The following PPP1R1C variants were observed in gnomAD, a reference collection of about 807,000 sequenced individuals.
PPP1R1C encodes protein phosphatase 1 regulatory inhibitor subunit 1C.
PPP1R1C carries 15 observed loss-of-function variants against 17.4 expected under a neutral mutation model. The observed-to-expected ratio is 0.86, with a 90% CI of 0.58 to 1.33. The LOEUF (loss-of-function observed/expected upper bound fraction) is 1.33, where lower values mean the gene tolerates loss of function less well. Ranked by LOEUF, PPP1R1C falls within the 40% of genes most tolerant of loss-of-function variation. PPP1R1C has a pLI of 0.00. For synonymous variants in PPP1R1C, 35 were observed against 43.1 expected, an observed-to-expected ratio of 0.81 and a Z score of 0.73; for missense variants, 143 against 130.0, an observed-to-expected ratio of 1.10 and a Z score of -0.48.
chr2:182,048,153 C>G (rs1687398316), intron 2 of PPP1R1C, among the ~76,000 whole-genome samples: 1 of 152,114 alleles, frequency 6.6e-6, no homozygotes, highest in Admixed American at 6.5e-5. Flanking sequence ...CAGGGTAAAA[C>G]TATTCTTACC....
At chr2:181,959,370 C>T (rs1684726499) in intron 1 of PPP1R1C, among the ~76,000 whole-genome samples, 1 of 152,196 alleles carries the variant, frequency 6.6e-6, no homozygotes, top group Admixed American at 6.5e-5. Flanking sequence ...TATTTTTAAG[C>T]ATTTGGATCT....
chr2:181,969,989 T>C (rs928831236), intron 1 of PPP1R1C, among the ~76,000 whole-genome samples: 1 of 152,250 alleles, frequency 6.6e-6, no homozygotes. Context: ...ATTTATCTGA[T>C]AAGATTCTGA....
intron 2 of PPP1R1C, among the ~76,000 whole-genome samples, chr2:181,998,944 A>C (rs189851021): frequency 3.0e-4 from 46 of 152,342 alleles, no homozygotes; most frequent in Middle Eastern, 3.4e-3. Flanking sequence ...TTGGACTAAA[A>C]CGGATCATCT....
chr2:182,006,749 A>C (rs1404066298), intron 2 of PPP1R1C, among the ~76,000 whole-genome samples: 1 of 152,218 alleles, frequency 6.6e-6, no homozygotes, highest in African/African-American at 2.4e-5. Flanking sequence ...TACATGAACC[A>C]TTATTGAAGT....
At chr2:182,021,186 T>C (rs925221777) in intron 2 of PPP1R1C, among the ~76,000 whole-genome samples, 1 of 152,128 alleles carries the variant, frequency 6.6e-6, no homozygotes, top group Admixed American at 6.5e-5. Context: ...TTGTCTCTCA[T>C]GCATGTGGTA....
At chr2:182,008,905 A>G (rs1686007477) in intron 2 of PPP1R1C, among the ~76,000 whole-genome samples, 1 of 152,126 alleles carries the variant, frequency 6.6e-6, no homozygotes, top group South Asian at 2.1e-4. Context: ...TTCTGTGTTT[A>G]TTCCACTTAA....
chr2:181,959,299 C>G (rs1411985384), intron 1 of PPP1R1C, among the ~76,000 whole-genome samples: 15 of 152,128 alleles, frequency 9.9e-5, no homozygotes, highest in Non-Finnish European at 8.8e-5. Flanking sequence ...ACTACTCTCC[C>G]CACACATATG....
intron 2 of PPP1R1C, among the ~76,000 whole-genome samples, chr2:182,009,485 GCC>G (rs1381602099): frequency 6.6e-6 from 1 of 151,906 alleles, no homozygotes. Flanking sequence ...TATGGTGTTT[GCC>G]TATACTGTTG....
chr2:182,095,943 C>G (rs1235326866), intron 4 of PPP1R1C, among the ~76,000 whole-genome samples: 1 of 151,504 alleles, frequency 6.6e-6, no homozygotes, highest in Non-Finnish European at 1.5e-5. Flanking sequence ...CCACTGCACT[C>G]CAGCCTGGGC....
chr2:181,977,009 A>G (rs1178915403), intron 2 of PPP1R1C, among the ~76,000 whole-genome samples: 1 of 151,708 alleles, frequency 6.6e-6, no homozygotes, highest in African/African-American at 2.4e-5. Context: ...ATGGTGACAC[A>G]TGCCTGTAAT....
chr2:182,106,480 C>T (rs957702984), intron 4 of PPP1R1C, among the ~76,000 whole-genome samples: 1 of 152,180 alleles, frequency 6.6e-6, no homozygotes, highest in Admixed American at 6.5e-5. Context: ...GACGAGAGCC[C>T]AGCCACTGAG....
At chr2:182,126,892 A>G (rs1023694167) in intron 5 of PPP1R1C, among the ~76,000 whole-genome samples, 5 of 152,086 alleles carry the variant, frequency 3.3e-5, no homozygotes, top group African/African-American at 9.7e-5. Flanking sequence ...GAGACAAGGG[A>G]AAAATTCTTG....
chr2:182,128,117 C>T (rs1574472577), intron 5 of PPP1R1C, among the ~76,000 whole-genome samples: 1 of 152,102 alleles, frequency 6.6e-6, no homozygotes, highest in East Asian at 1.9e-4. Context: ...CTATGACATG[C>T]TAAACATTGT....
chr2:182,068,634 G>A (rs761117022), intron 4 of PPP1R1C, among the ~76,000 whole-genome samples: 2 of 152,116 alleles, frequency 1.3e-5, no homozygotes, highest in African/African-American at 2.4e-5. Flanking sequence ...ACCTAGCTCC[G>A]GTCCTCAGAC....
intron 4 of PPP1R1C, among the ~76,000 whole-genome samples, chr2:182,112,873 A>G (rs2125235404): frequency 6.6e-6 from 1 of 152,338 alleles, no homozygotes; most frequent in East Asian, 1.9e-4. Flanking sequence ...ATGTAGTTGA[A>G]AAAAATAAAA....
chr2:182,010,799 C>T (rs1686068361), intron 2 of PPP1R1C, among the ~76,000 whole-genome samples: 1 of 151,924 alleles, frequency 6.6e-6, no homozygotes, highest in Non-Finnish European at 1.5e-5. Context: ...TATGTACCTT[C>T]TATTCCAAAT....
At chr2:182,039,507 C>T (rs1687117703) in intron 2 of PPP1R1C, among the ~76,000 whole-genome samples, 1 of 152,156 alleles carries the variant, frequency 6.6e-6, no homozygotes, top group Non-Finnish European at 1.5e-5. Context: ...ACCTCAGCCT[C>T]CTAAGTAGCT....
intron 4 of PPP1R1C, among the ~76,000 whole-genome samples, chr2:182,083,922 A>G (rs754393563): frequency 6.6e-6 from 1 of 152,124 alleles, no homozygotes; most frequent in Non-Finnish European, 1.5e-5. Context: ...CCAAATCAGC[A>G]TCTGTTACTT....
At chr2:181,978,402 T>C (rs1271403997) in intron 2 of PPP1R1C, among the ~76,000 whole-genome samples, 1 of 152,208 alleles carries the variant, frequency 6.6e-6, no homozygotes, top group African/African-American at 2.4e-5. Flanking sequence ...TGCACCATGA[T>C]GTCTGGGGCA....
Sources: gnomAD v4.1 joint callset for allele counts (sites outside exome capture counted in the v4.1 genomes callset) on GRCh38, gnomAD v4.1.1 for gene constraint, MANE v1.5 for transcripts, NCBI Gene and HGNC (gene_info 2026-07-23, HGNC 2026-07-21) for gene names.